The following TRPM7 variants were observed in gnomAD, a reference collection of about 807,000 sequenced individuals.
TRPM7 encodes the protein transient receptor potential cation channel subfamily M member 7.
Under a neutral mutation model 229.7 loss-of-function variants are expected in TRPM7, and 134 were observed. That is an observed-to-expected ratio of 0.58 (90% CI 0.51 to 0.67). TRPM7 has a LOEUF of 0.67. Among genes scored for constraint, TRPM7 ranks in the 30% least tolerant of loss-of-function variants. TRPM7 has a pLI of 0.00. For missense variants in TRPM7, 1,901 were observed against 2,210.0 expected (o/e 0.86, Z 2.80); for synonymous variants, 699 against 715.2 (o/e 0.98, Z 0.36).
intron 12 of TRPM7, among the ~76,000 whole-genome samples, chr15:50,623,419 A>G (rs1308615445): frequency 3.9e-5 from 6 of 151,954 alleles, no homozygotes; most frequent in Non-Finnish European, 7.4e-5. Context: ...AAAAAAAAAA[A>G]AAAGAAAGAA....
At chr15:50,672,073 T>C (rs1340583768) in intron 1 of TRPM7, among the ~76,000 whole-genome samples, 4 of 152,070 alleles carry the variant, frequency 2.6e-5, no homozygotes, top group Non-Finnish European at 5.9e-5. Context: ...TTTTTGTTTT[T>C]TGAGACGGAG....
chr15:50,578,587 G>A, intron 31 of TRPM7, 52 bp downstream of exon 31: 1 of 1,559,532 alleles, frequency 6.4e-7, no homozygotes. Context: ...TGCTGTAACA[G>A]ATCATGTAAG....
At position 50,574,646 on chromosome 15, in the gene TRPM7, T is replaced by A. The variant is rs750849159; in HGVS notation, c.5093A>T (p.Tyr1698Phe). Residue 1698 changes from tyrosine (Y) to phenylalanine (F), a missense_variant, in exon 35 of 39, where the codon TAT becomes TTT. By Grantham distance (22) the Tyr-to-Phe change is conservative. This residue lies in a region of TRPM7 where 257 missense variants were observed against 352.0 expected (regional missense o/e 0.73). Transcript: ENST00000646667. ...FNQMKPKSIP[Y>F]SPRFLEVFLL... ...AAAATTAAAGATTTACCTTGGAGAATATGGTATGGATTTGGGTTTCATTTG... is the reference window on the plus strand; with the variant it reads ...AAAATTAAAGATTTACCTTGGAGAAAATGGTATGGATTTGGGTTTCATTTG... The A allele has an allele frequency of 1.2e-6, 2 of 1,613,012 alleles. No individual in the cohort carries two copies. Among genetic ancestry groups the A allele is most frequent in the Admixed American group, 3.3e-5 (2 of 59,876 alleles).
At chr15:50,670,970 T>C (rs2061975889) in intron 1 of TRPM7, among the ~76,000 whole-genome samples, 1 of 152,194 alleles carries the variant, frequency 6.6e-6, no homozygotes, top group Admixed American at 6.6e-5. Flanking sequence ...GCTCAGGAAT[T>C]TGAGACCAGA....
chr15:50,583,181 T>C (rs552606225), intron 28 of TRPM7, 22 bp from the exon 29 acceptor site: 16 of 1,564,534 alleles, frequency 1.0e-5, no homozygotes, highest in East Asian at 9.0e-5. Context: ...TTAAAAAATA[T>C]AAAAAAGCTA....
chr15:50,589,619 T>C lies in TRPM7; in HGVS notation c.4362A>G (p.Glu1454=). The change falls in exon 27 of 39, where the codon GAA becomes GAG. Residue 1454 remains glutamate (E), a synonymous_variant. Transcript: ENST00000646667. ...RDSMDLQRFK[E]TSNKIKILSN... is the part of the protein sequence containing the mutation. The stretch of plus-strand genomic sequence containing the variant: ...ATAGTATTTTTATCTTGTTTGATGT[T>C]TCTTTAAACCTCTGTAAATCCATGC... 1 of 1,593,324 alleles carries C rather than the reference T, an allele frequency of 6.3e-7. No homozygotes were observed. The highest frequency in any genetic ancestry group is 1.3e-5 in the African/African-American group (1 of 74,314).
intron 21 of TRPM7, among the ~76,000 whole-genome samples, chr15:50,602,517 T>G (rs1364716589): frequency 1.3e-5 from 2 of 152,214 alleles, no homozygotes; most frequent in South Asian, 2.1e-4. Context: ...TCCTTTGAAA[T>G]GCCATAATCT....
chr15:50,617,659 C>A (rs1416901981), intron 13 of TRPM7, among the ~76,000 whole-genome samples: 1 of 151,920 alleles, frequency 6.6e-6, no homozygotes, highest in African/African-American at 2.4e-5. Context: ...TAACGTCATT[C>A]TTTTTTCTTA....
intron 38 of TRPM7, 45 bp downstream of exon 38, chr15:50,569,842 G>T: frequency 1.5e-6 from 2 of 1,343,594 alleles, no homozygotes; most frequent in Non-Finnish European, 2.1e-6. Flanking sequence ...TAGTAACCAA[G>T]TTTCGTAACA....
chr15:50,597,106 T>C (rs2059654171), intron 22 of TRPM7, among the ~76,000 whole-genome samples: 1 of 152,222 alleles, frequency 6.6e-6, no homozygotes, highest in South Asian at 2.1e-4. Context: ...TATCTTATTA[T>C]GTCACAAAAA....
At chr15:50,585,604 T>C (rs544763313) in intron 28 of TRPM7, among the ~76,000 whole-genome samples, 1 of 152,358 alleles carries the variant, frequency 6.6e-6, no homozygotes, top group African/African-American at 2.4e-5. Context: ...TATCATGCAT[T>C]ATCACAATTA....
In TRPM7 at chr15:50,574,892, C is replaced by G. The variant is rs139291139; in HGVS notation, c.4979G>C (p.Ser1660Thr). 6.2e-6 allele frequency: 10 copies of G among 1,613,430 alleles called. No homozygotes were observed. Among genetic ancestry groups the G allele is most frequent in the Non-Finnish European group, 8.5e-6 (10 of 1,179,516 alleles). ...CAGAACTGTATCTTCTTTGTAAATA[C>G]TTGACCATGTATTAACCACCTCTGG... ...FLPEVVNTWSSIYKEDTVLHL... is the reference protein window; with the variant it reads ...FLPEVVNTWSTIYKEDTVLHL... Residue 1660 changes from serine (S) to threonine (T), a missense_variant, in exon 34 of 39, where the codon AGT becomes ACT. Ser to Thr is a moderately conservative substitution (Grantham distance 58). Coordinates refer to ENST00000646667, the MANE Select transcript of TRPM7 (RefSeq NM_017672.6).
chr15:50,612,597 T>TG lies in TRPM7; in HGVS notation c.2002dup (p.Gln668ProfsTer3). Reference sequence around the variant, plus strand: ...TGAAGTATCATCTACCAGGTCACTCTGCTTTGCTTCATATGCCATTGAACG... The same window carrying TG: ...TGAAGTATCATCTACCAGGTCACTCTGGCTTTGCTTCATATGCCATTGAACG... On this transcript the variant is annotated frameshift_variant, in exon 16 of 39. Coordinates refer to ENST00000646667, the MANE Select transcript of TRPM7 (RefSeq NM_017672.6). LOFTEE classifies it high-confidence loss of function. 1.2e-6 allele frequency: 2 copies of TG among 1,614,112 alleles called. No individual in the cohort carries two copies. Among genetic ancestry groups the TG allele is most frequent in the Non-Finnish European group, 1.7e-6 (2 of 1,179,978 alleles).
intron 38 of TRPM7, among the ~76,000 whole-genome samples, chr15:50,567,743 G>GA (rs1266770625): frequency 1.1e-4 from 17 of 150,750 alleles, no homozygotes; most frequent in Admixed American, 4.0e-4. Flanking sequence ...AAAAGATGCA[G>GA]AAAAAAAAAT....
intron 23 of TRPM7, 64 bp from the exon 24 acceptor site, chr15:50,594,677 T>G: frequency 9.0e-7 from 1 of 1,105,448 alleles, no homozygotes. Flanking sequence ...TTTTAAATAC[T>G]GATGATTTCA....
At chr15:50,595,713 A>T (rs1444806174) in intron 23 of TRPM7, among the ~76,000 whole-genome samples, 1 of 151,988 alleles carries the variant, frequency 6.6e-6, no homozygotes, top group Non-Finnish European at 1.5e-5. Context: ...ATACAAAAAA[A>T]ATCAGCCAGG....
At chr15:50,581,052 AAATTT>A (rs1165319425) in intron 29 of TRPM7, 144 bp from the exon 30 acceptor site, 9 of 647,680 alleles carry the variant, frequency 1.4e-5, no homozygotes, top group South Asian at 5.4e-5. Context: ...ATAAAACAAT[AAATTT>A]ATTTATTATA....
intron 22 of TRPM7, among the ~76,000 whole-genome samples, chr15:50,598,697 C>T (rs893901380): frequency 1.3e-5 from 2 of 152,192 alleles, no homozygotes; most frequent in African/African-American, 4.8e-5. Context: ...GGACATTTTC[C>T]TCTAAAGAGA....
intron 31 of TRPM7, 46 bp downstream of exon 31, chr15:50,578,593 G>A (rs752526645): frequency 1.3e-6 from 2 of 1,578,202 alleles, no homozygotes; most frequent in South Asian, 1.1e-5. Flanking sequence ...AACAGATCAT[G>A]TAAGATTCTC....
Sources: gnomAD v4.1 joint callset for allele counts (sites outside exome capture counted in the v4.1 genomes callset) on GRCh38, gnomAD v4.1.1 for gene constraint, gnomAD v4.1.1 regional missense constraint, MANE v1.5 for transcripts, NCBI Gene and HGNC (gene_info 2026-07-23, HGNC 2026-07-21) for gene names.